Variants in SORD observed in about 807,000 individuals in gnomAD.
The protein encoded by SORD is sorbitol dehydrogenase.
SORD carries 18 observed loss-of-function variants against 35.6 expected under a neutral mutation model. The ratio of observed to expected loss-of-function variants is 0.51; its 90% CI spans 0.35 to 0.75. The LOEUF is 0.75. Among genes scored for constraint, SORD ranks in the 30% least tolerant of loss-of-function variants. The pLI, the probability that SORD is intolerant of heterozygous loss-of-function variation, is 0.01. For synonymous variants in SORD, 106 were observed against 152.9 expected (o/e 0.69, Z 2.26); for missense variants, 250 against 390.2 (o/e 0.64, Z 3.03).
chr15:45,037,208 G>A (rs1169405561), intron 1 of SORD, among the ~76,000 whole-genome samples: 1 of 152,230 alleles, frequency 6.6e-6, no homozygotes, highest in African/African-American at 2.4e-5. Flanking sequence ...TCCATCAAGC[G>A]TGTTCTGCTA....
intron 2 of SORD, 103 bp downstream of exon 2, chr15:45,040,544 A>G (rs1416457771): frequency 2.2e-6 from 2 of 891,652 alleles, no homozygotes; most frequent in African/African-American, 3.3e-5. Context: ...ACTGTTTATT[A>G]CTTTTGCATC....
intron 5 of SORD, among the ~76,000 whole-genome samples, chr15:45,066,263 A>AAAG (rs71114307): frequency 1.4e-4 from 21 of 149,170 alleles, no homozygotes; most frequent in African/African-American, 4.7e-4. Context: ...AAAAAAAAAA[A>AAAG]GGAATTAATC....
intron 1 of SORD, chr15:45,036,214 G>A: frequency 7.4e-6 from 3 of 402,708 alleles, no homozygotes; most frequent in East Asian, 8.4e-5. Flanking sequence ...GCGAGGGTCC[G>A]CAGCTTCATT....
intron 3 of SORD, among the ~76,000 whole-genome samples, chr15:45,059,455 A>G (rs1893267653): frequency 6.6e-6 from 1 of 152,198 alleles, no homozygotes; most frequent in Non-Finnish European, 1.5e-5. Context: ...TGACTGTGGT[A>G]TACTCTTACA....
intron 3 of SORD, among the ~76,000 whole-genome samples, chr15:45,045,434 G>A (rs373315743): frequency 2.6e-5 from 4 of 151,828 alleles, no homozygotes; most frequent in East Asian, 1.9e-4. Flanking sequence ...TTGGGAGGCT[G>A]AGGCAGGAGA....
At chr15:45,035,786 G>C (rs977205858) in intron 1 of SORD, among the ~76,000 whole-genome samples, 2 of 151,428 alleles carry the variant, frequency 1.3e-5, no homozygotes, top group Admixed American at 6.6e-5. Context: ...CGAGCCCACC[G>C]GGAGGAACGA....
At chr15:45,064,269 G>T (rs2470660) in intron 4 of SORD, among the ~76,000 whole-genome samples, 2,096 of 152,172 alleles carry the variant, frequency 0.014, 34 homozygotes, top group African/African-American at 0.043. Context: ...AGGACACCTT[G>T]GTTAAGTCTG....
intron 3 of SORD, among the ~76,000 whole-genome samples, chr15:45,059,642 C>T (rs1473494592): frequency 6.6e-6 from 1 of 152,178 alleles, no homozygotes; most frequent in African/African-American, 2.4e-5. Context: ...CACATGCACA[C>T]ACCACCATGC....
At chr15:45,060,288 G>T (rs1566963080) in intron 3 of SORD, among the ~76,000 whole-genome samples, 2 of 152,110 alleles carry the variant, frequency 1.3e-5, no homozygotes. Flanking sequence ...TAGGAGGAGG[G>T]TATCCAGGTG....
intron 3 of SORD, among the ~76,000 whole-genome samples, chr15:45,059,435 AT>A (rs1347263717): frequency 3.3e-5 from 5 of 152,160 alleles, no homozygotes; most frequent in African/African-American, 1.2e-4. Flanking sequence ...CAATAAGAGA[AT>A]GGTGATACTG....
chr15:45,059,331 A>G (rs1294507093), intron 3 of SORD, among the ~76,000 whole-genome samples: 1 of 152,052 alleles, frequency 6.6e-6, no homozygotes, highest in Non-Finnish European at 1.5e-5. Context: ...ATCCTGTCTC[A>G]AAAAACAAAC....
At chr15:45,040,734 A>G (rs1258692090) in intron 2 of SORD, among the ~76,000 whole-genome samples, 1 of 152,220 alleles carries the variant, frequency 6.6e-6, no homozygotes, top group Non-Finnish European at 1.5e-5. Flanking sequence ...ATATGGACCA[A>G]TGACAGAATT....
intron 3 of SORD, among the ~76,000 whole-genome samples, chr15:45,054,175 A>G (rs1454880581): frequency 3.3e-5 from 5 of 152,196 alleles, no homozygotes; most frequent in East Asian, 1.9e-4. Flanking sequence ...TGGGATGGCT[A>G]GGTCAAATGG....
chr15:45,037,020 A>G (rs1357719908), intron 1 of SORD, among the ~76,000 whole-genome samples: 1 of 152,236 alleles, frequency 6.6e-6, no homozygotes, highest in Non-Finnish European at 1.5e-5. Context: ...CAGTGTGCTT[A>G]GGGCAATATT....
intron 3 of SORD, 92 bp from the exon 4 acceptor site, chr15:45,060,975 T>C: frequency 1.9e-6 from 3 of 1,569,346 alleles, no homozygotes; most frequent in Non-Finnish European, 2.6e-6. Flanking sequence ...TTCTGCTGTT[T>C]TCAAAGGTTG....
intron 3 of SORD, among the ~76,000 whole-genome samples, chr15:45,047,379 C>T (rs1893061891): frequency 6.6e-6 from 1 of 152,102 alleles, no homozygotes; most frequent in African/African-American, 2.4e-5. Context: ...TTCCTAACAT[C>T]CTCTTCAGGC....
intron 1 of SORD, among the ~76,000 whole-genome samples, chr15:45,035,264 T>C (rs1346904312): frequency 6.6e-6 from 1 of 152,266 alleles, no homozygotes; most frequent in East Asian, 1.9e-4. Context: ...GCAGCCCCAG[T>C]GCGAGATCCA....
chr15:45,026,142 A>C (rs1182947718), intron 1 of SORD, among the ~76,000 whole-genome samples: 2 of 152,146 alleles, frequency 1.3e-5, no homozygotes, highest in Non-Finnish European at 2.9e-5. Flanking sequence ...ATGGTCTTCC[A>C]CCAGCACCTC....
chr15:45,029,318 G>T (rs74011315), intron 1 of SORD, among the ~76,000 whole-genome samples: 31,142 of 150,656 alleles, frequency 0.21, no homozygotes, highest in African/African-American at 0.44. Context: ...AGGCACAAAG[G>T]TAGCATTTTC....
Sources: gnomAD v4.1 joint callset for allele counts (sites outside exome capture counted in the v4.1 genomes callset) on GRCh38, gnomAD v4.1.1 for gene constraint, MANE v1.5 for transcripts, NCBI Gene and HGNC (gene_info 2026-07-23, HGNC 2026-07-21) for gene names.